Variants in SWT1 observed in about 807,000 individuals in gnomAD.
The protein encoded by SWT1 is SWT1 RNA endoribonuclease homolog.
A neutral mutation model predicts 107.3 loss-of-function variants in SWT1; 33 were observed. The observed-to-expected ratio is 0.31, with a 90% CI of 0.23 to 0.41. The LOEUF is 0.41. Among genes scored for constraint, SWT1 ranks in the 10% least tolerant of loss-of-function variants. SWT1 has a pLI of 1.00. For missense variants in SWT1, 898 were observed against 1,028.9 expected, an observed-to-expected ratio of 0.87 and a Z score of 1.74; for synonymous variants, 345 against 348.3, an observed-to-expected ratio of 0.99 and a Z score of 0.11.
chr1:185,272,160 G>A (rs938640100), intron 17 of SWT1, among the ~76,000 whole-genome samples: 2 of 152,196 alleles, frequency 1.3e-5, no homozygotes, highest in East Asian at 1.9e-4. Context: ...GGAAAGGAGA[G>A]CTATAATTTA....
chr1:185,276,693 T>G (rs754857659), intron 18 of SWT1, 25 bp downstream of exon 18: 12 of 1,308,468 alleles, frequency 9.2e-6, no homozygotes, highest in Non-Finnish European at 1.2e-5. Context: ...TATATAGATA[T>G]AAACCATTGT....
intron 10 of SWT1, among the ~76,000 whole-genome samples, chr1:185,201,202 T>C (rs1008306901): frequency 6.6e-6 from 1 of 152,056 alleles, no homozygotes; most frequent in African/African-American, 2.4e-5. Flanking sequence ...GAGGCTGAGA[T>C]CCACGGAGCT....
At chr1:185,161,531 C>G (rs1371215544) in intron 2 of SWT1, among the ~76,000 whole-genome samples, 5 of 151,796 alleles carry the variant, frequency 3.3e-5, no homozygotes, top group African/African-American at 1.2e-4. Flanking sequence ...TGGTGAGACC[C>G]TGTCTCTACA....
At chr1:185,230,730 TTGTGTGTG>T (rs139516173) in intron 15 of SWT1, among the ~76,000 whole-genome samples, 2 of 149,356 alleles carry the variant, frequency 1.3e-5, no homozygotes, top group Admixed American at 6.7e-5. Context: ...GTTTGGTGTT[TTGTGTGTG>T]TGTGTGTGTG....
intron 15 of SWT1, chr1:185,227,616 C>A: frequency 1.9e-6 from 1 of 525,130 alleles, no homozygotes; most frequent in South Asian, 1.6e-5. Flanking sequence ...GTATAGTAAT[C>A]ATTTTTACCT....
intron 16 of SWT1, among the ~76,000 whole-genome samples, chr1:185,255,310 G>A (rs961343612): frequency 5.4e-5 from 8 of 148,892 alleles, no homozygotes; most frequent in African/African-American, 2.0e-4. Flanking sequence ...TTGGTGCAGA[G>A]CTGAGTTCAA....
chr1:185,226,222 T>C (rs975129157), intron 15 of SWT1, among the ~76,000 whole-genome samples: 13 of 152,240 alleles, frequency 8.5e-5, no homozygotes, highest in Non-Finnish European at 1.9e-4. Flanking sequence ...GCGTAGTTTC[T>C]GGATAATATA....
chr1:185,257,393 T>TG (rs1662646302), intron 16 of SWT1, among the ~76,000 whole-genome samples: 1 of 152,114 alleles, frequency 6.6e-6, no homozygotes, highest in African/African-American at 2.4e-5. Flanking sequence ...GCTGCCGCCT[T>TG]GCAGTTTGAT....
At chr1:185,286,217 A>T (rs1401007605) in intron 18 of SWT1, among the ~76,000 whole-genome samples, 2 of 151,912 alleles carry the variant, frequency 1.3e-5, no homozygotes, top group Admixed American at 1.3e-4. Context: ...AATTTCCTTC[A>T]GCAGTGGTTT....
intron 10 of SWT1, among the ~76,000 whole-genome samples, chr1:185,192,936 C>T (rs1657081051): frequency 6.6e-6 from 1 of 152,108 alleles, no homozygotes; most frequent in African/African-American, 2.4e-5. Context: ...GTATGAGCCA[C>T]CGCGCCTGGC....
chr1:185,173,456 A>C (rs72724108), intron 4 of SWT1, among the ~76,000 whole-genome samples: 1 of 148,210 alleles, frequency 6.7e-6, no homozygotes, highest in African/African-American at 2.5e-5. Flanking sequence ...CACACTGGGG[A>C]GGCTAAGGTG....
intron 9 of SWT1, among the ~76,000 whole-genome samples, chr1:185,190,101 G>C (rs1331430993): frequency 6.6e-6 from 1 of 152,100 alleles, no homozygotes; most frequent in African/African-American, 2.4e-5. Context: ...GCACACCTCG[G>C]CCTCCCAAAG....
At position 185,221,974 on chromosome 1, in the gene SWT1, C is replaced by T; in HGVS notation, c.2247C>T (p.Pro749=). The change falls in exon 15 of 19, where the codon CCC becomes CCT. Residue 749 remains proline, a synonymous_variant. Coordinates refer to ENST00000367500, the MANE Select transcript of SWT1 (RefSeq NM_017673.7). The part of the protein sequence containing the change: ...TVFSSSHLPQ[P]SRHQEIWSIL... ...TCTCGAGTTCTCATCTTCCCCAACCCAGCAGGCATCAAGAAATCTGGTCTA... is the reference window on the plus strand; with the variant it reads ...TCTCGAGTTCTCATCTTCCCCAACCTAGCAGGCATCAAGAAATCTGGTCTA... 1 of 1,612,270 alleles carries T rather than the reference C, an allele frequency of 6.2e-7. No homozygotes were observed. Among genetic ancestry groups the T allele is most frequent in the Non-Finnish European group, 8.5e-7 (1 of 1,179,284 alleles).
chr1:185,253,130 C>G (rs1277760857), intron 16 of SWT1, among the ~76,000 whole-genome samples: 1 of 143,592 alleles, frequency 7.0e-6, no homozygotes, highest in African/African-American at 2.6e-5. Context: ...CTGTTCTGTT[C>G]CATTGATCTA....
At chr1:185,277,976 C>A in intron 18 of SWT1, among the ~76,000 whole-genome samples, 1 of 151,336 alleles carries the variant, frequency 6.6e-6, no homozygotes, top group Middle Eastern at 3.4e-3. Flanking sequence ...AAATCCAATT[C>A]TTTTTTTTTA....
At chr1:185,197,885 C>A (rs562835847) in intron 10 of SWT1, among the ~76,000 whole-genome samples, 66 of 152,210 alleles carry the variant, frequency 4.3e-4, no homozygotes, top group African/African-American at 1.5e-3. Context: ...TTTCAAAAAA[C>A]CAGCTCCTGG....
intron 1 of SWT1, among the ~76,000 whole-genome samples, chr1:185,160,443 T>C (rs1046475137): frequency 3.9e-5 from 6 of 152,138 alleles, no homozygotes; most frequent in African/African-American, 1.4e-4. Flanking sequence ...GAGTGGTCAC[T>C]CACACCTGTA....
chr1:185,283,029 G>A (rs1664732598), intron 18 of SWT1, among the ~76,000 whole-genome samples: 1 of 152,126 alleles, frequency 6.6e-6, no homozygotes, highest in African/African-American at 2.4e-5. Flanking sequence ...GGATACAAAT[G>A]AACAGGTAGA....
chr1:185,244,597 G>A (rs1185178024), intron 16 of SWT1, among the ~76,000 whole-genome samples: 2 of 152,150 alleles, frequency 1.3e-5, no homozygotes, highest in African/African-American at 2.4e-5. Flanking sequence ...GGTGAGTGGT[G>A]AGTGAATGTG....
Sources: gnomAD v4.1 joint callset for allele counts (sites outside exome capture counted in the v4.1 genomes callset) on GRCh38, gnomAD v4.1.1 for gene constraint, MANE v1.5 for transcripts, NCBI Gene and HGNC (gene_info 2026-07-23, HGNC 2026-07-21) for gene names.